BMPER: variants seen among roughly 807,000 people sequenced by gnomAD.
The protein encoded by BMPER is BMP binding endothelial regulator, also known as BMP-binding endothelial regulator protein.
BMPER carries 45 observed loss-of-function variants against 87.3 expected under a neutral mutation model. That is an observed-to-expected ratio of 0.52 (90% CI 0.41 to 0.66). The LOEUF (loss-of-function observed/expected upper bound fraction) is 0.66. Among genes scored for constraint, BMPER ranks in the 30% least tolerant of loss-of-function variants. The pLI is 0.00. For missense variants in BMPER, 784 were observed against 867.5 expected (o/e 0.90, Z 1.21); for synonymous variants, 326 against 316.2 (o/e 1.03, Z -0.33).
At chr7:33,960,648 A>G (rs935072745) in intron 3 of BMPER, among the ~76,000 whole-genome samples, 13 of 152,244 alleles carry the variant, frequency 8.5e-5, no homozygotes, top group African/African-American at 3.1e-4. Flanking sequence ...GAACCAAAAT[A>G]GATTTTGAAA....
intron 6 of BMPER, among the ~76,000 whole-genome samples, chr7:33,980,893 C>T (rs778124506): frequency 5.9e-5 from 9 of 152,214 alleles, no homozygotes; most frequent in Non-Finnish European, 1.0e-4. Context: ...CTCTCACTTA[C>T]ACTTTAGATA....
intron 6 of BMPER, among the ~76,000 whole-genome samples, chr7:34,037,503 G>T (rs559190878): frequency 6.6e-6 from 1 of 152,168 alleles, no homozygotes; most frequent in East Asian, 1.9e-4. Flanking sequence ...AGCAAACATG[G>T]TTAAACTCTT....
intron 6 of BMPER, among the ~76,000 whole-genome samples, chr7:33,991,452 C>T (rs1479827341): frequency 4.6e-5 from 7 of 152,014 alleles, no homozygotes; most frequent in South Asian, 4.2e-4. Flanking sequence ...TCTGTGGGAT[C>T]GGTGGTGATA....
At chr7:34,020,410 C>T (rs1421135263) in intron 6 of BMPER, among the ~76,000 whole-genome samples, 4 of 151,912 alleles carry the variant, frequency 2.6e-5, no homozygotes, top group Admixed American at 6.6e-5. Flanking sequence ...TGTTTCACAT[C>T]CAAGGGTGTA....
In BMPER at chr7:34,046,345, C is replaced by A. The variant is rs760419537; in HGVS notation, c.616C>A (p.Leu206Ile). 1 of 1,613,876 alleles carries A rather than the reference C, an allele frequency of 6.2e-7. No homozygotes were observed. The highest frequency in any genetic ancestry group is 8.5e-7 in the Non-Finnish European group (1 of 1,179,942). Residue 206 changes from leucine to isoleucine, a missense_variant, in exon 7 of 15, where the codon CTC becomes ATC. Coordinates refer to ENST00000649409, the MANE Select transcript of BMPER (RefSeq NM_001365308.1). ...TQCVREVCPILSCPQHLSHIP... is the reference protein window; with the variant it reads ...TQCVREVCPIISCPQHLSHIP... ...ATGTGTGAGAGAAGTCTGTCCCATT[C>A]TCTCCTGTCCCCAGCACCTTAGTCA...
intron 2 of BMPER, among the ~76,000 whole-genome samples, chr7:33,909,757 G>A (rs1284589524): frequency 6.6e-6 from 1 of 151,398 alleles, no homozygotes; most frequent in East Asian, 1.9e-4. Context: ...CAGTTGGGAG[G>A]AAATAGGTGG....
At chr7:33,920,224 A>T (rs1160045406) in intron 2 of BMPER, among the ~76,000 whole-genome samples, 1 of 151,948 alleles carries the variant, frequency 6.6e-6, no homozygotes, top group Non-Finnish European at 1.5e-5. Context: ...GGTCGTTAAC[A>T]AGTCAGTGGT....
chr7:33,974,600 C>A, intron 5 of BMPER, 102 bp from the exon 6 acceptor site: 3 of 1,132,838 alleles, frequency 2.6e-6, no homozygotes, highest in South Asian at 2.5e-5. Flanking sequence ...GGACACTCAG[C>A]TGTGTGGAGG....
intron 6 of BMPER, among the ~76,000 whole-genome samples, chr7:34,014,786 TAGAG>T (rs765191771): frequency 3.9e-5 from 6 of 151,946 alleles, no homozygotes; most frequent in Non-Finnish European, 8.8e-5. Context: ...GTCAGCACAA[TAGAG>T]AGAATATCTG....
intron 3 of BMPER, among the ~76,000 whole-genome samples, chr7:33,955,127 T>C (rs1381561151): frequency 3.3e-5 from 5 of 152,148 alleles, no homozygotes; most frequent in African/African-American, 1.2e-4. Context: ...AAACTCTCGA[T>C]CTCAGGTGAT....
chr7:34,030,547 G>A (rs975167223), intron 6 of BMPER, among the ~76,000 whole-genome samples: 3 of 151,968 alleles, frequency 2.0e-5, no homozygotes, highest in South Asian at 2.1e-4. Context: ...TGGAACCACC[G>A]TTAACATCTT....
At chr7:34,147,384 T>G (rs961784979) in intron 14 of BMPER, among the ~76,000 whole-genome samples, 2 of 152,354 alleles carry the variant, frequency 1.3e-5, no homozygotes, top group African/African-American at 4.8e-5. Context: ...CACATAATGT[T>G]TTTATGTTTC....
intron 6 of BMPER, chr7:34,043,073 G>A (rs1787872705): frequency 6.6e-6 from 1 of 152,128 alleles, no homozygotes; most frequent in Non-Finnish European, 1.5e-5. Context: ...ATTTAACGAA[G>A]ATGGAAACCA....
At chr7:34,152,158 A>G (rs1045147046) in intron 14 of BMPER, among the ~76,000 whole-genome samples, 10 of 152,208 alleles carry the variant, frequency 6.6e-5, no homozygotes, top group South Asian at 2.1e-4. Context: ...CAATAGAGGC[A>G]TTGAAGCTGA....
intron 13 of BMPER, among the ~76,000 whole-genome samples, chr7:34,110,323 T>C (rs148377656): frequency 6.6e-6 from 1 of 152,300 alleles, no homozygotes; most frequent in African/African-American, 2.4e-5. Context: ...TTCTCCCACC[T>C]GCTCAGTGTC....
At chr7:33,916,761 G>A (rs1784094880) in intron 2 of BMPER, among the ~76,000 whole-genome samples, 1 of 152,184 alleles carries the variant, frequency 6.6e-6, no homozygotes. Flanking sequence ...GGTCATCTCT[G>A]TCAGCTCCAT....
intron 6 of BMPER, among the ~76,000 whole-genome samples, chr7:34,012,645 A>G (rs537293017): frequency 6.6e-6 from 1 of 152,024 alleles, no homozygotes; most frequent in African/African-American, 2.4e-5. Context: ...AACCTGGGAA[A>G]AATAAAACCA....
intron 3 of BMPER, among the ~76,000 whole-genome samples, chr7:33,950,700 G>T (rs1784997167): frequency 6.6e-6 from 1 of 152,030 alleles, no homozygotes; most frequent in Admixed American, 6.6e-5. Flanking sequence ...CACAATTTCT[G>T]GTCACAGCCT....
At chr7:34,128,569 T>TA (rs1486224329) in intron 13 of BMPER, among the ~76,000 whole-genome samples, 4 of 152,154 alleles carry the variant, frequency 2.6e-5, no homozygotes, top group African/African-American at 7.2e-5. Context: ...GCAAAGGAAG[T>TA]AAAAAATGGC....
Sources: allele counts gnomAD v4.1 joint callset (sites outside exome capture counted in the v4.1 genomes callset), GRCh38; gene constraint gnomAD v4.1.1; transcripts MANE v1.5; gene names NCBI Gene and HGNC (gene_info 2026-07-23, HGNC 2026-07-21).